Variants in KLHL32 observed in about 807,000 individuals in gnomAD.
KLHL32 encodes the protein kelch-like protein 32.
A neutral mutation model predicts 64.8 loss-of-function variants in KLHL32; 35 were observed. The observed-to-expected ratio is 0.54, with a 90% CI of 0.41 to 0.72. The LOEUF is 0.72. KLHL32 is among the 30% of genes least tolerant of loss of function. The pLI, the probability that KLHL32 is intolerant of heterozygous loss-of-function variation, is 0.00. For synonymous variants in KLHL32, 259 were observed against 281.0 expected (o/e 0.92, Z 0.78); for missense variants, 589 against 768.5 (o/e 0.77, Z 2.76).
chr6:96,931,273 G>A (rs906056662), intron 1 of KLHL32, among the ~76,000 whole-genome samples: 3 of 152,126 alleles, frequency 2.0e-5, no homozygotes, highest in African/African-American at 7.2e-5. Context: ...TCCTTCTTCT[G>A]TGTTGAAATA....
chr6:96,916,923 C>T, the KLHL32 span, among the ~76,000 whole-genome samples: 2 of 152,078 alleles, frequency 1.3e-5, no homozygotes, highest in South Asian at 2.1e-4. Context: ...TATAATCAAC[C>T]TATGGAAAAA....
At chr6:97,015,152 A>C (rs1268006508) in intron 3 of KLHL32, among the ~76,000 whole-genome samples, 1 of 152,182 alleles carries the variant, frequency 6.6e-6, no homozygotes, top group Non-Finnish European at 1.5e-5. Flanking sequence ...GCCATGTGCA[A>C]CTGTGAGTCA....
intron 1 of KLHL32, among the ~76,000 whole-genome samples, chr6:96,962,759 A>G (rs2064313): frequency 0.74 from 112,811 of 152,062 alleles, 42,176 homozygotes; most frequent in African/African-American, 0.82. Context: ...TGATAAGGTG[A>G]TATTATCTGT....
intron 3 of KLHL32, among the ~76,000 whole-genome samples, chr6:97,002,719 C>T (rs1387573226): frequency 1.3e-5 from 2 of 152,152 alleles, no homozygotes; most frequent in African/African-American, 4.8e-5. Flanking sequence ...AGTGAGATCA[C>T]GCAGTATTTG....
At chr6:96,927,273 C>T (rs1013172154) in intron 1 of KLHL32, among the ~76,000 whole-genome samples, 5 of 152,044 alleles carry the variant, frequency 3.3e-5, no homozygotes, top group Admixed American at 6.6e-5. Context: ...TATAGGAAGA[C>T]GTAGGATTGG....
intron 5 of KLHL32, among the ~76,000 whole-genome samples, chr6:97,072,874 A>G (rs193270832): frequency 4.2e-4 from 64 of 152,218 alleles, no homozygotes; most frequent in Non-Finnish European, 4.4e-5. Flanking sequence ...TCTCCCCAAG[A>G]CATAAGTTTA....
intron 10 of KLHL32, among the ~76,000 whole-genome samples, chr6:97,138,027 T>G (rs1018470474): frequency 3.9e-5 from 6 of 152,230 alleles, no homozygotes; most frequent in African/African-American, 1.2e-4. Flanking sequence ...ACTTTCATTT[T>G]TTTAAAACAC....
At chr6:96,992,436 A>G (rs1018887922) in intron 3 of KLHL32, among the ~76,000 whole-genome samples, 5 of 152,230 alleles carry the variant, frequency 3.3e-5, no homozygotes, top group African/African-American at 1.2e-4. Context: ...ATCCAGTTGA[A>G]GAGCTAATGT....
chr6:97,097,790 AG>A (rs1424715676), intron 6 of KLHL32, among the ~76,000 whole-genome samples: 1 of 152,142 alleles, frequency 6.6e-6, no homozygotes, highest in Non-Finnish European at 1.5e-5. Context: ...GCAGTGGGAA[AG>A]TATAAACGAC....
At chr6:97,050,325 C>T (rs944147467) in intron 4 of KLHL32, among the ~76,000 whole-genome samples, 1 of 152,112 alleles carries the variant, frequency 6.6e-6, no homozygotes, top group African/African-American at 2.4e-5. Flanking sequence ...TGCCACACAC[C>T]CCAACAGGAT....
intron 3 of KLHL32, among the ~76,000 whole-genome samples, chr6:97,023,139 T>C (rs1037048985): frequency 2.0e-5 from 3 of 152,114 alleles, no homozygotes; most frequent in African/African-American, 4.8e-5. Flanking sequence ...TGAGATGAGA[T>C]TTAAGTGGGG....
At chr6:96,943,828 C>T (rs1466653894) in intron 1 of KLHL32, among the ~76,000 whole-genome samples, 2 of 152,180 alleles carry the variant, frequency 1.3e-5, no homozygotes, top group South Asian at 2.1e-4. Context: ...GGCAGGGGAA[C>T]GAGTGTGCAG....
chr6:96,932,043 T>G (rs1562167942), intron 1 of KLHL32, among the ~76,000 whole-genome samples: 1 of 152,116 alleles, frequency 6.6e-6, no homozygotes, highest in Non-Finnish European at 1.5e-5. Flanking sequence ...TGTTTCCTCA[T>G]CTACTCTGCT....
At chr6:96,975,036 T>C (rs2128042768) in intron 2 of KLHL32, among the ~76,000 whole-genome samples, 1 of 152,334 alleles carries the variant, frequency 6.6e-6, no homozygotes, top group Middle Eastern at 3.4e-3. Context: ...TTTAGAGCAC[T>C]GTATAGATTC....
intron 6 of KLHL32, among the ~76,000 whole-genome samples, chr6:97,092,155 A>G (rs1562327581): frequency 6.6e-6 from 1 of 151,850 alleles, no homozygotes; most frequent in African/African-American, 2.4e-5. Context: ...CACCTGGCTA[A>G]TTTTTTTGTA....
intron 6 of KLHL32, among the ~76,000 whole-genome samples, chr6:97,104,718 C>T (rs113218206): frequency 0.01 from 1,579 of 152,240 alleles, 28 homozygotes; most frequent in African/African-American, 0.034. Context: ...AAAATGTTGA[C>T]GCAGTTTTAA....
upstream of KLHL32, among the ~76,000 whole-genome samples, chr6:96,920,075 G>A (rs571338614): frequency 6.6e-6 from 1 of 152,324 alleles, no homozygotes; most frequent in East Asian, 1.9e-4. Context: ...AAAAAAACCC[G>A]ATGAGGAAGA....
At chr6:97,005,750 T>G (rs1779589416) in intron 3 of KLHL32, among the ~76,000 whole-genome samples, 2 of 152,220 alleles carry the variant, frequency 1.3e-5, no homozygotes, top group Non-Finnish European at 2.9e-5. Flanking sequence ...CAAGTCATTC[T>G]GTAACAGATT....
intron 3 of KLHL32, among the ~76,000 whole-genome samples, chr6:97,026,346 T>C (rs1299746442): frequency 2.6e-5 from 4 of 151,946 alleles, no homozygotes; most frequent in South Asian, 4.2e-4. Flanking sequence ...TACCCTAGCC[T>C]GGGTGACAAA....
Sources: gnomAD v4.1 joint callset for allele counts (sites outside exome capture counted in the v4.1 genomes callset) on GRCh38, gnomAD v4.1.1 for gene constraint, MANE v1.5 for transcripts, NCBI Gene and HGNC (gene_info 2026-07-23, HGNC 2026-07-21) for gene names.